CYFIP2: variants seen among roughly 807,000 people sequenced by gnomAD.
The protein encoded by CYFIP2 is cytoplasmic FMR1 interacting protein 2, also known as cytoplasmic FMR1-interacting protein 2.
CYFIP2 carries 29 observed loss-of-function variants against 158.7 expected under a neutral mutation model. The ratio of observed to expected loss-of-function variants is 0.18; its 90% CI spans 0.14 to 0.25. CYFIP2 has a LOEUF of 0.25. Among genes scored for constraint, CYFIP2 ranks in the 10% least tolerant of loss-of-function variants. CYFIP2 has a pLI of 1.00. For missense variants in CYFIP2, 852 were observed against 1,639.5 expected, an observed-to-expected ratio of 0.52 and a Z score of 8.29; for synonymous variants, 585 against 617.6, an observed-to-expected ratio of 0.95 and a Z score of 0.78.
At chr5:157,273,068 G>A (rs1756241621) in intron 1 of CYFIP2, among the ~76,000 whole-genome samples, 1 of 152,128 alleles carries the variant, frequency 6.6e-6, no homozygotes, top group Non-Finnish European at 1.5e-5. Context: ...GTTTCACCAT[G>A]TTGGTCAGGC....
chr5:157,375,738 A>G (rs889635957), intron 26 of CYFIP2: 7 of 151,424 alleles, frequency 4.6e-5, no homozygotes, highest in African/African-American at 1.5e-4. Flanking sequence ...AAGCCAAAAG[A>G]TGGTACACTC....
chr5:157,343,501 T>C (rs1447888639), intron 23 of CYFIP2: 2 of 1,591,394 alleles, frequency 1.3e-6, no homozygotes, highest in African/African-American at 1.3e-5. Flanking sequence ...AGATGATGGC[T>C]CCTGTATAAG....
chr5:157,382,137 A>G (rs1354474094), intron 26 of CYFIP2, among the ~76,000 whole-genome samples: 1 of 152,242 alleles, frequency 6.6e-6, no homozygotes, highest in African/African-American at 2.4e-5. Flanking sequence ...CCAATCAGAC[A>G]TAGGCCTTTA....
chr5:157,347,463 C>T (rs371885532), intron 23 of CYFIP2, among the ~76,000 whole-genome samples: 385 of 152,254 alleles, frequency 2.5e-3, no homozygotes, highest in African/African-American at 8.2e-3. Flanking sequence ...TCTTCCCAGG[C>T]GCCTGTCTTA....
At chr5:157,392,057 A>T (rs1056028148) in intron 30 of CYFIP2, among the ~76,000 whole-genome samples, 2 of 152,146 alleles carry the variant, frequency 1.3e-5, no homozygotes, top group Non-Finnish European at 2.9e-5. Context: ...CCATTTGTAT[A>T]TCTTCTTTAG....
chr5:157,298,654 A>G (rs1384624370), intron 5 of CYFIP2, among the ~76,000 whole-genome samples: 1 of 151,888 alleles, frequency 6.6e-6, no homozygotes, highest in Non-Finnish European at 1.5e-5. Context: ...CCCACAATCA[A>G]TTTTAGAACA....
At chr5:157,319,965 T>A in intron 14 of CYFIP2, 37 bp downstream of exon 14, 3 of 1,606,320 alleles carry the variant, frequency 1.9e-6, no homozygotes, top group Non-Finnish European at 2.6e-6. Flanking sequence ...ATATCAGACA[T>A]AAGCATGCCA....
At chr5:157,351,086 G>C (rs1393225414) in intron 23 of CYFIP2, among the ~76,000 whole-genome samples, 1 of 151,836 alleles carries the variant, frequency 6.6e-6, no homozygotes, top group Admixed American at 6.6e-5. Flanking sequence ...CCAGTACTAT[G>C]TTGAATAGAA....
At chr5:157,365,115 G>A (rs1764243255) in intron 26 of CYFIP2, 1 of 151,910 alleles carries the variant, frequency 6.6e-6, no homozygotes, top group Non-Finnish European at 1.5e-5. Flanking sequence ...ATTTTCTCTA[G>A]GTATGAGGGA....
chr5:157,380,720 A>G (rs1466857335), intron 26 of CYFIP2, among the ~76,000 whole-genome samples: 1 of 152,236 alleles, frequency 6.6e-6, no homozygotes, highest in Non-Finnish European at 1.5e-5. Context: ...AAGTGGGTTT[A>G]TTTCAGGTAT....
At position 157,389,194 on chromosome 5, in the gene CYFIP2, C is replaced by T. The variant is rs531367167; in HGVS notation, c.3213C>T (p.Ile1071=). The T allele has an allele frequency of 2.6e-4, 411 of 1,607,534 alleles. 2 individuals carry two copies. In the South Asian group the frequency reaches 2.6e-3, roughly 10 times the overall value. ...ATGTGCCCTTCTGTTTCCAGCAAAT[C>T]GCCATTGCTCGCGAGGGTGACCTCC... is the stretch of plus-strand genomic sequence containing the variant. ...LIERLGTPQQ[I]AIAREGDLLT... The change falls in exon 29 of 31, where the codon ATC becomes ATT. Residue 1071 remains isoleucine, a synonymous_variant. Coordinates refer to ENST00000620254, the MANE Select transcript of CYFIP2 (RefSeq NM_001037333.3).
intron 19 of CYFIP2, among the ~76,000 whole-genome samples, chr5:157,328,994 A>G (rs1761240792): frequency 6.6e-6 from 1 of 152,224 alleles, no homozygotes; most frequent in Admixed American, 6.5e-5. Flanking sequence ...ATCCAAACAT[A>G]CCAACCAGTA....
chr5:157,314,850 A>C, intron 12 of CYFIP2, 119 bp from the exon 13 acceptor site: 1 of 814,140 alleles, frequency 1.2e-6, no homozygotes, highest in Non-Finnish European at 1.9e-6. Context: ...ATGTTGTAGC[A>C]TGAATCAGTA....
chr5:157,299,931 A>G (rs535051912), intron 5 of CYFIP2, among the ~76,000 whole-genome samples: 21 of 152,268 alleles, frequency 1.4e-4, no homozygotes, highest in African/African-American at 5.1e-4. Context: ...AAAAACTAGA[A>G]TGTAAATTCC....
At chr5:157,302,452 T>A (rs149420239) in intron 6 of CYFIP2, among the ~76,000 whole-genome samples, 1 of 152,254 alleles carries the variant, frequency 6.6e-6, no homozygotes, top group Non-Finnish European at 1.5e-5. Flanking sequence ...TCACTGGAGG[T>A]CACAGGAGGG....
chr5:157,280,773 A>G (rs541323995), intron 1 of CYFIP2, among the ~76,000 whole-genome samples: 7 of 152,162 alleles, frequency 4.6e-5, no homozygotes, highest in African/African-American at 1.7e-4. Context: ...AGTATTATTT[A>G]GAAGCAAAAC....
At chr5:157,390,256 GCGT>G (rs1432267704) in intron 29 of CYFIP2, among the ~76,000 whole-genome samples, 1 of 149,010 alleles carries the variant, frequency 6.7e-6, no homozygotes, top group Admixed American at 6.8e-5. Flanking sequence ...CAAATTCAGA[GCGT>G]CTTTAGAGCT....
intron 1 of CYFIP2, among the ~76,000 whole-genome samples, chr5:157,278,245 G>A (rs190387294): frequency 1.0e-3 from 156 of 152,008 alleles, no homozygotes; most frequent in Admixed American, 2.8e-3. Context: ...GTGTGTGTAC[G>A]TATACTTATA....
At chr5:157,367,074 C>T (rs912652510) in intron 26 of CYFIP2, among the ~76,000 whole-genome samples, 1 of 152,172 alleles carries the variant, frequency 6.6e-6, no homozygotes, top group African/African-American at 2.4e-5. Flanking sequence ...ACCACAGAAA[C>T]ACTCCGGTCA....
Sources: gnomAD v4.1 joint callset for allele counts (sites outside exome capture counted in the v4.1 genomes callset) on GRCh38, gnomAD v4.1.1 for gene constraint, MANE v1.5 for transcripts, NCBI Gene and HGNC (gene_info 2026-07-23, HGNC 2026-07-21) for gene names.